Variants in CSMD1 observed in about 807,000 individuals in gnomAD.
CSMD1 encodes CUB and Sushi multiple domains 1, also known as CUB and sushi domain-containing protein 1.
Under a neutral mutation model 417.5 loss-of-function variants are expected in CSMD1, and 213 were observed. The ratio of observed to expected loss-of-function variants is 0.51; its 90% CI spans 0.46 to 0.57. CSMD1 has a LOEUF of 0.57. Among genes scored for constraint, CSMD1 ranks in the 20% least tolerant of loss-of-function variants. CSMD1 has a pLI of 0.00. For synonymous variants in CSMD1, 2,862 were observed against 1,736.8 expected (o/e 1.65, Z -16.11); for missense variants, 6,923 against 4,529.7 (o/e 1.53, Z -15.17).
chr8:4,126,286 A>G (rs1340438589), intron 3 of CSMD1, among the ~76,000 whole-genome samples: 1 of 152,162 alleles, frequency 6.6e-6, no homozygotes, highest in Non-Finnish European at 1.5e-5. Flanking sequence ...CTCTTTCTTC[A>G]TAGCAATGTC....
At chr8:3,929,230 G>A (rs1809967611) in intron 5 of CSMD1, among the ~76,000 whole-genome samples, 1 of 150,324 alleles carries the variant, frequency 6.7e-6, no homozygotes, top group Non-Finnish European at 1.5e-5. Flanking sequence ...CATAAAGGAG[G>A]TGTTTGTCCA....
At chr8:4,556,727 C>T (rs895499843) in intron 2 of CSMD1, among the ~76,000 whole-genome samples, 4 of 152,126 alleles carry the variant, frequency 2.6e-5, no homozygotes, top group African/African-American at 9.7e-5. Flanking sequence ...AAAATATTCA[C>T]AAGATGAGCA....
chr8:3,131,618 C>T (rs1366816192), intron 41 of CSMD1, among the ~76,000 whole-genome samples: 2 of 151,814 alleles, frequency 1.3e-5, no homozygotes, highest in East Asian at 3.9e-4. Flanking sequence ...ATTAAAGTTG[C>T]CTGCCACCAT....
At chr8:3,111,496 G>A (rs928410230) in intron 42 of CSMD1, among the ~76,000 whole-genome samples, 1 of 152,246 alleles carries the variant, frequency 6.6e-6, no homozygotes, top group Non-Finnish European at 1.5e-5. Context: ...TAAATTCTAT[G>A]AGGTCAGGGT....
chr8:3,692,497 A>C (rs1800305437), intron 7 of CSMD1, among the ~76,000 whole-genome samples: 1 of 140,324 alleles, frequency 7.1e-6, no homozygotes, highest in Non-Finnish European at 1.5e-5. Flanking sequence ...GCTGGAGTGC[A>C]CTGGCGCGAT....
intron 3 of CSMD1, among the ~76,000 whole-genome samples, chr8:4,089,985 G>A (rs572696032): frequency 6.6e-6 from 1 of 152,116 alleles, no homozygotes; most frequent in Non-Finnish European, 1.5e-5. Flanking sequence ...CCGCTATAAT[G>A]GAAACCTACT....
chr8:4,898,754 T>A (rs1330352463), intron 1 of CSMD1, among the ~76,000 whole-genome samples: 1 of 152,166 alleles, frequency 6.6e-6, no homozygotes, highest in Non-Finnish European at 1.5e-5. Flanking sequence ...GTAAATTTAG[T>A]TCATCGTTGG....
chr8:3,005,658 C>T (rs564220281), intron 52 of CSMD1, among the ~76,000 whole-genome samples: 16 of 152,198 alleles, frequency 1.1e-4, no homozygotes, highest in African/African-American at 3.9e-4. Context: ...TAAACAGAGC[C>T]AAAGACAAAA....
intron 1 of CSMD1, among the ~76,000 whole-genome samples, chr8:4,914,583 G>GAAAA (rs59293226): frequency 7.5e-6 from 1 of 133,676 alleles, no homozygotes; most frequent in African/African-American, 2.8e-5. Context: ...CTCCCAAAAA[G>GAAAA]AAAAAAAAAA....
intron 4 of CSMD1, among the ~76,000 whole-genome samples, chr8:4,008,244 C>A (rs1800042458): frequency 6.6e-6 from 1 of 151,978 alleles, no homozygotes; most frequent in Admixed American, 6.6e-5. Context: ...AACTTAAAAA[C>A]CACATATAAA....
At chr8:3,604,518 C>G (rs976807298) in intron 8 of CSMD1, among the ~76,000 whole-genome samples, 1 of 151,904 alleles carries the variant, frequency 6.6e-6, no homozygotes. Context: ...AGAGCCAATA[C>G]CACATAGGAT....
At chr8:4,417,539 A>T (rs953747460) in intron 3 of CSMD1, among the ~76,000 whole-genome samples, 1 of 152,078 alleles carries the variant, frequency 6.6e-6, no homozygotes, top group Non-Finnish European at 1.5e-5. Context: ...TGAATTTATT[A>T]TAATATGAAA....
At chr8:3,561,759 C>T (rs184014558) in intron 10 of CSMD1, among the ~76,000 whole-genome samples, 8 of 151,888 alleles carry the variant, frequency 5.3e-5, no homozygotes, top group Non-Finnish European at 7.4e-5. Context: ...GACATATACC[C>T]GCTTTAAAAA....
chr8:3,701,015 G>T (rs372642315), intron 7 of CSMD1, among the ~76,000 whole-genome samples: 2 of 151,890 alleles, frequency 1.3e-5, no homozygotes, highest in Non-Finnish European at 2.9e-5. Flanking sequence ...TAACGAGAAA[G>T]GCTTGGGATA....
chr8:4,189,681 A>C (rs964820235), intron 3 of CSMD1, among the ~76,000 whole-genome samples: 3 of 152,302 alleles, frequency 2.0e-5, no homozygotes, highest in Non-Finnish European at 2.9e-5. Flanking sequence ...ATGCATTTGA[A>C]CGGAAAGAGT....
At chr8:3,670,262 T>G (rs1048223978) in intron 7 of CSMD1, among the ~76,000 whole-genome samples, 12 of 151,964 alleles carry the variant, frequency 7.9e-5, no homozygotes, top group African/African-American at 2.9e-4. Flanking sequence ...AAGGTCAGAC[T>G]GGCCTAGCCT....
At chr8:3,834,216 T>C (rs1017312143) in intron 5 of CSMD1, among the ~76,000 whole-genome samples, 1 of 152,208 alleles carries the variant, frequency 6.6e-6, no homozygotes, top group Non-Finnish European at 1.5e-5. Context: ...TTCTTTTATT[T>C]TGTAAAGAAT....
intron 3 of CSMD1, among the ~76,000 whole-genome samples, chr8:4,362,770 T>C (rs1461458181): frequency 6.6e-6 from 1 of 152,198 alleles, no homozygotes; most frequent in Non-Finnish European, 1.5e-5. Context: ...AATTTAGTTT[T>C]TAAGTTAAAT....
intron 21 of CSMD1, among the ~76,000 whole-genome samples, chr8:3,357,746 A>G (rs1448511169): frequency 1.3e-5 from 2 of 152,136 alleles, no homozygotes; most frequent in African/African-American, 4.8e-5. Flanking sequence ...GGGAACTCCT[A>G]TGATCACCTG....
Sources: allele counts gnomAD v4.1 joint callset (sites outside exome capture counted in the v4.1 genomes callset), GRCh38; gene constraint gnomAD v4.1.1; transcripts MANE v1.5; gene names NCBI Gene and HGNC (gene_info 2026-07-23, HGNC 2026-07-21).